The following CTNNA1 variants were observed in gnomAD, a reference collection of about 807,000 sequenced individuals.
CTNNA1 encodes the protein catenin alpha 1, also known as catenin alpha-1.
A neutral mutation model predicts 98.4 loss-of-function variants in CTNNA1; 37 were observed. The ratio of observed to expected loss-of-function variants is 0.38; its 90% confidence interval spans 0.29 to 0.49. The LOEUF (loss-of-function observed/expected upper bound fraction) is 0.49. Among genes scored for constraint, CTNNA1 ranks in the 20% least tolerant of loss-of-function variants. CTNNA1 has a pLI of 0.95. For synonymous variants in CTNNA1, 404 were observed against 413.2 expected (o/e 0.98, Z 0.27); for missense variants, 761 against 1,147.2 (o/e 0.66, Z 4.86).
chr5:138,860,496 G>GTTTGTTTTGTTTTGT (rs59940464), intron 7 of CTNNA1, among the ~76,000 whole-genome samples: 2 of 150,122 alleles, frequency 1.3e-5, no homozygotes, highest in African/African-American at 4.9e-5. Flanking sequence ...GGTTTTTTTT[G>GTTTGTTTTGTTTTGT]TTTGTTTTGT....
intron 9 of CTNNA1, chr5:138,891,143 G>C (rs533489038): frequency 1.3e-5 from 2 of 152,308 alleles, no homozygotes; most frequent in African/African-American, 4.8e-5. Context: ...CTTTTCCCTG[G>C]AGATGCTCTT....
At chr5:138,915,905 C>G (rs1420032270) in intron 10 of CTNNA1, among the ~76,000 whole-genome samples, 3 of 152,100 alleles carry the variant, frequency 2.0e-5, no homozygotes, top group African/African-American at 7.2e-5. Context: ...AAAAATTAGC[C>G]TGGCGTGGTG....
At chr5:138,872,140 T>C (rs1388935195) in intron 7 of CTNNA1, 1 of 152,454 alleles carries the variant, frequency 6.6e-6, no homozygotes, top group Non-Finnish European at 1.5e-5. Flanking sequence ...CTCCAAAATA[T>C]CTTCTAAATC....
chr5:138,790,621 T>C (rs1255006653), intron 3 of CTNNA1, among the ~76,000 whole-genome samples: 3 of 152,242 alleles, frequency 2.0e-5, no homozygotes, highest in African/African-American at 7.2e-5. Context: ...ACATGGCTCA[T>C]TGGGCTGGAG....
intron 4 of CTNNA1, among the ~76,000 whole-genome samples, chr5:138,811,734 A>G (rs1441193689): frequency 6.6e-6 from 1 of 152,000 alleles, no homozygotes; most frequent in East Asian, 1.9e-4. Context: ...CGGCCAACAC[A>G]GCGAAACCCC....
intron 1 of CTNNA1, among the ~76,000 whole-genome samples, chr5:138,767,992 T>A (rs1255497493): frequency 6.6e-6 from 1 of 152,216 alleles, no homozygotes; most frequent in Non-Finnish European, 1.5e-5. Flanking sequence ...AATCTGTGTT[T>A]TAACAAGATC....
intron 3 of CTNNA1, among the ~76,000 whole-genome samples, chr5:138,798,723 G>A (rs1349736831): frequency 2.6e-5 from 4 of 152,144 alleles, no homozygotes; most frequent in Non-Finnish European, 4.4e-5. Flanking sequence ...TCCCAGCTCA[G>A]GAGAGAACAT....
At chr5:138,761,111 C>G (rs949759328) in intron 1 of CTNNA1, among the ~76,000 whole-genome samples, 2 of 152,204 alleles carry the variant, frequency 1.3e-5, no homozygotes, top group Non-Finnish European at 2.9e-5. Context: ...GCTCTTGAAG[C>G]AGGTGTTCTA....
rs28363442 is a variant in CTNNA1 at position 138,876,205 on chromosome 5, A to G, written c.1063-10007A>G. Among the ~76,000 whole-genome samples, 5 of 152,314 alleles carry G rather than the reference A, an allele frequency of 3.3e-5. No homozygotes were observed. In the East Asian group the frequency reaches 7.7e-4, roughly 24 times the overall value. ...TTTACCTCAGAATCTCACCTACTCC[A>G]TAACTAAAAGCCTCCGCTGGTACTG... On this transcript the variant is annotated intron_variant, in intron 7 of 17. Coordinates refer to ENST00000302763, the MANE Select transcript of CTNNA1 (RefSeq NM_001903.5).
chr5:138,764,554 C>G (rs1253475122), intron 1 of CTNNA1, among the ~76,000 whole-genome samples: 2 of 151,498 alleles, frequency 1.3e-5, no homozygotes, highest in African/African-American at 4.8e-5. Context: ...TGACCGCAAC[C>G]TCTGCCTCCT....
intron 7 of CTNNA1, among the ~76,000 whole-genome samples, chr5:138,867,668 A>G (rs1163323923): frequency 1.3e-5 from 2 of 152,132 alleles, no homozygotes; most frequent in Non-Finnish European, 2.9e-5. Flanking sequence ...TGTGAAGACA[A>G]CAAGAAGGAT....
chr5:138,825,482 GTT>G lies in CTNNA1; in HGVS notation c.858+698_858+699del, dbSNP rs756586452. ...CTTCCAGTAGATGGCAGCAGTATAA[GTT>G]TTTTTTTTTTTTTTAGGGCTTTAAA... On this transcript the variant is annotated intron_variant, in intron 6 of 17. Coordinates refer to ENST00000302763, the MANE Select transcript of CTNNA1 (RefSeq NM_001903.5). Among the ~76,000 whole-genome samples the G allele has an allele frequency of 9.4e-5, 7 of 74,116 alleles. No homozygotes were observed. In the South Asian group the frequency reaches 1.6e-3, roughly 17 times the overall value. 48.6% of individuals were successfully genotyped at this position (74,116 alleles called of 152,430 possible).
chr5:138,785,262 T>C (rs376002424), intron 3 of CTNNA1, among the ~76,000 whole-genome samples: 1,660 of 151,370 alleles, frequency 0.011, 24 homozygotes, highest in African/African-American at 0.038. Context: ...GGGGTTTCAC[T>C]GTTTTAGCCG....
In CTNNA1 at chr5:138,873,287, G is replaced by A. The variant is rs745925455; in HGVS notation, c.1063-12925G>A. The A allele has an allele frequency of 4.0e-5, 64 of 1,613,878 alleles. No homozygotes were observed. Among genetic ancestry groups the A allele is most frequent in the Non-Finnish European group, 5.1e-5 (60 of 1,179,888 alleles). On this transcript the variant is annotated intron_variant, in intron 7 of 17. Coordinates refer to ENST00000302763, the MANE Select transcript of CTNNA1 (RefSeq NM_001903.5). This position sits in a 1 kb window ranked among gnomAD's most constrained non-coding sequence, Gnocchi z 6.1. ...AGAAAACAATAAAGCCATTGTTCCC[G>A]TAATTACCCGCTGAGTGAAGATGGC... is the stretch of plus-strand genomic sequence containing the variant.
intron 3 of CTNNA1, among the ~76,000 whole-genome samples, chr5:138,793,448 G>C (rs1756586119): frequency 6.6e-6 from 1 of 152,204 alleles, no homozygotes; most frequent in Non-Finnish European, 1.5e-5. Flanking sequence ...TCATTTTGAA[G>C]TGGTTCATTT....
chr5:138,915,758 A>C (rs547437334), intron 10 of CTNNA1, among the ~76,000 whole-genome samples: 53 of 152,372 alleles, frequency 3.5e-4, no homozygotes, highest in African/African-American at 1.2e-3. Context: ...TACATGCTAC[A>C]CATGAGTGAA....
At chr5:138,821,226 A>G (rs1367093633) in intron 5 of CTNNA1, among the ~76,000 whole-genome samples, 1 of 152,234 alleles carries the variant, frequency 6.6e-6, no homozygotes, top group Non-Finnish European at 1.5e-5. Context: ...TGGCAGAAGT[A>G]AGGATGGGTT....
chr5:138,782,434 T>C (rs1431977000), intron 2 of CTNNA1: 6 of 377,944 alleles, frequency 1.6e-5, no homozygotes, highest in African/African-American at 1.1e-4. Context: ...AGGTTTGGTA[T>C]GCTACAAATG....
chr5:138,864,256 C>T (rs1433560888), intron 7 of CTNNA1, among the ~76,000 whole-genome samples: 1 of 151,932 alleles, frequency 6.6e-6, no homozygotes, highest in Non-Finnish European at 1.5e-5. Flanking sequence ...CTGGCCTTTT[C>T]TTTTTTTTAG....
Sources: gnomAD v4.1 joint callset for allele counts (sites outside exome capture counted in the v4.1 genomes callset) on GRCh38, gnomAD v4.1.1 for gene constraint, Gnocchi (gnomAD v3.1) non-coding constraint, MANE v1.5 for transcripts, NCBI Gene and HGNC (gene_info 2026-07-23, HGNC 2026-07-21) for gene names.